BBOX1: variants seen among roughly 807,000 people sequenced by gnomAD.
BBOX1 encodes gamma-butyrobetaine dioxygenase.
BBOX1 carries 35 observed loss-of-function variants against 41.6 expected under a neutral mutation model. That is an observed-to-expected ratio of 0.84 (90% confidence interval 0.64 to 1.11). The LOEUF is 1.11. Among genes scored for constraint, BBOX1 ranks in the 50% most tolerant of loss-of-function variants. The pLI, the probability that BBOX1 is intolerant of heterozygous loss-of-function variation, is 0.00. For missense variants in BBOX1, 458 were observed against 460.6 expected, an observed-to-expected ratio of 0.99 and a Z score of 0.05; for synonymous variants, 163 against 154.7, an observed-to-expected ratio of 1.05 and a Z score of -0.40.
At chr11:27,076,121 G>T (rs1347800159) in intron 4 of BBOX1, among the ~76,000 whole-genome samples, 1 of 152,180 alleles carries the variant, frequency 6.6e-6, no homozygotes, top group African/African-American at 2.4e-5. Context: ...CCAGACTACT[G>T]TGAATGCTGC....
At chr11:27,116,455 C>T (rs1471001716) in intron 6 of BBOX1, among the ~76,000 whole-genome samples, 8 of 114,916 alleles carry the variant, frequency 7.0e-5, no homozygotes, top group African/African-American at 2.7e-4. Context: ...ACATGTATCC[C>T]AGAACTTAAA....
intron 4 of BBOX1, among the ~76,000 whole-genome samples, chr11:27,069,649 A>G (rs1190143957): frequency 6.6e-6 from 1 of 152,020 alleles, no homozygotes; most frequent in Non-Finnish European, 1.5e-5. Context: ...AACTTGTTCC[A>G]GTTCTCAGGA....
At chr11:27,124,511 T>G (rs183542254) in intron 7 of BBOX1, among the ~76,000 whole-genome samples, 107 of 152,252 alleles carry the variant, frequency 7.0e-4, no homozygotes, top group African/African-American at 2.5e-3. Context: ...GTGCTTTCCT[T>G]ATTTATTTAT....
intron 6 of BBOX1, among the ~76,000 whole-genome samples, chr11:27,117,050 C>T (rs542664989): frequency 6.6e-6 from 1 of 152,050 alleles, no homozygotes; most frequent in East Asian, 1.9e-4. Flanking sequence ...ACTAAATGAG[C>T]TACATTTTTA....
chr11:27,123,831 A>G (rs6484266), intron 7 of BBOX1, among the ~76,000 whole-genome samples: 144,355 of 152,268 alleles, frequency 0.95, 68,536 homozygotes, highest in East Asian at 0.98. Flanking sequence ...GGAAGCAGGT[A>G]GGGTACTCCA....
chr11:27,088,465 T>A (rs766592106), intron 4 of BBOX1, among the ~76,000 whole-genome samples: 2 of 152,060 alleles, frequency 1.3e-5, no homozygotes, highest in Non-Finnish European at 2.9e-5. Flanking sequence ...GTTTCAGTGT[T>A]GTGCAATGAA....
intron 8 of BBOX1, among the ~76,000 whole-genome samples, chr11:27,126,422 A>T: frequency 6.6e-6 from 1 of 152,220 alleles, no homozygotes; most frequent in East Asian, 1.9e-4. Flanking sequence ...GGGGGAAAAA[A>T]TACAAAAAAT....
chr11:27,113,705 C>CTA (rs1324332196), intron 5 of BBOX1, among the ~76,000 whole-genome samples: 1 of 151,440 alleles, frequency 6.6e-6, no homozygotes, highest in East Asian at 1.9e-4. Flanking sequence ...CTACTGGCTA[C>CTA]TATATATATT....
chr11:27,083,933 T>C (rs1857941111), intron 4 of BBOX1, among the ~76,000 whole-genome samples: 1 of 152,062 alleles, frequency 6.6e-6, no homozygotes, highest in South Asian at 2.1e-4. Flanking sequence ...TGCAGGAGAT[T>C]TCCAGAAGGG....
intron 5 of BBOX1, among the ~76,000 whole-genome samples, chr11:27,100,966 G>A (rs1390557457): frequency 1.3e-5 from 2 of 151,948 alleles, no homozygotes; most frequent in African/African-American, 2.4e-5. Flanking sequence ...CCCCTTTTAT[G>A]TACTAAGTAT....
chr11:27,088,848 A>G (rs540933265), intron 4 of BBOX1, among the ~76,000 whole-genome samples: 3 of 151,990 alleles, frequency 2.0e-5, no homozygotes, highest in Admixed American at 6.6e-5. Context: ...TCTGTTACAT[A>G]TATTTGCTGT....
chr11:27,059,599 C>T (rs2083745), intron 4 of BBOX1, among the ~76,000 whole-genome samples: 49,061 of 152,038 alleles, frequency 0.32, 8,101 homozygotes, highest in East Asian at 0.45. Flanking sequence ...CATGGAAAAG[C>T]CACAGGCACT....
chr11:27,124,439 T>C (rs1859573128), intron 7 of BBOX1, among the ~76,000 whole-genome samples: 2 of 152,232 alleles, frequency 1.3e-5, no homozygotes, highest in African/African-American at 4.8e-5. Context: ...TTTGCCTCTG[T>C]ATCTGGGTGA....
Position 27,055,650 on chromosome 11 carries a change from G to C in BBOX1, c.219+1G>C, listed in dbSNP as rs751997909. 1.2e-6 allele frequency: 2 copies of C among 1,606,616 alleles called. No homozygotes were observed. The highest frequency in any genetic ancestry group is 3.3e-5 in the Admixed American group (2 of 59,900). ...AGGCTTGATATTTGACAGAAAAAAG[G>C]TAATTATCTCTAAATTATGTCTCCC... On this transcript the variant is annotated splice_donor_variant, in intron 3 of 8. Coordinates refer to ENST00000263182, the MANE Select transcript of BBOX1 (RefSeq NM_003986.3). LOFTEE classifies it high-confidence loss of function.
chr11:27,108,961 G>A (rs1295420106), intron 5 of BBOX1, among the ~76,000 whole-genome samples: 4 of 151,928 alleles, frequency 2.6e-5, no homozygotes, highest in South Asian at 2.1e-4. Context: ...CCCCTTCCCT[G>A]TTTACACTCA....
At chr11:27,043,431 T>C (rs915199396) in intron 2 of BBOX1, among the ~76,000 whole-genome samples, 3 of 152,014 alleles carry the variant, frequency 2.0e-5, no homozygotes, top group Non-Finnish European at 2.9e-5. Context: ...TTGGGGTACA[T>C]GTGCAGAATG....
In BBOX1 at chr11:27,077,321, C is replaced by G. The variant is rs1052518153; in HGVS notation, c.335-15847C>G. Among the ~76,000 whole-genome samples, 8 of 152,246 alleles carry G rather than the reference C, an allele frequency of 5.3e-5. 1 individual carries two copies. In the South Asian group the frequency reaches 1.7e-3, roughly 32 times the overall value. ...ACCACTCCCTAAATCAGCTCCAGTG[C>G]CGGGTAGGATTAAGGCCTTTCCCCA... On this transcript the variant is annotated intron_variant, in intron 4 of 8. Coordinates refer to ENST00000263182, the MANE Select transcript of BBOX1 (RefSeq NM_003986.3).
chr11:27,072,959 C>T (rs985170998), intron 4 of BBOX1, among the ~76,000 whole-genome samples: 3 of 152,150 alleles, frequency 2.0e-5, no homozygotes, highest in Non-Finnish European at 4.4e-5. Context: ...ACCATATAAA[C>T]CCTAGAAGAA....
chr11:27,054,348 G>A (rs1354518856), intron 2 of BBOX1, among the ~76,000 whole-genome samples: 2 of 152,088 alleles, frequency 1.3e-5, no homozygotes, highest in African/African-American at 4.8e-5. Flanking sequence ...CTACATGGAC[G>A]AAGTTAAGGA....
Sources: gnomAD v4.1 joint callset for allele counts (sites outside exome capture counted in the v4.1 genomes callset) on GRCh38, gnomAD v4.1.1 for gene constraint, MANE v1.5 for transcripts, NCBI Gene and HGNC (gene_info 2026-07-23, HGNC 2026-07-21) for gene names.